The following UMAD1 variants were observed in gnomAD, a reference collection of about 807,000 sequenced individuals.
UMAD1 encodes the protein UBAP1-MVB12-associated (UMA)-domain containing protein 1.
A neutral mutation model predicts 6.1 loss-of-function variants in UMAD1; 8 were observed. That is an observed-to-expected ratio of 1.30 (90% CI 0.76 to 2.35). The LOEUF (loss-of-function observed/expected upper bound fraction) is 2.35, where lower values mean the gene tolerates loss of function less well. Ranked by LOEUF, UMAD1 falls within the 30% of genes most tolerant of loss-of-function variation. The probability of loss-of-function intolerance (pLI) is 0.00; values close to 1 mark genes in which losing one functional copy is unlikely to be tolerated. For missense variants in UMAD1, 130 were observed against 78.4 expected, an observed-to-expected ratio of 1.66 and a Z score of -2.49; for synonymous variants, 56 against 31.4, an observed-to-expected ratio of 1.78 and a Z score of -2.61.
chr7:7,646,475 G>A (rs566197034), intron 1 of UMAD1, among the ~76,000 whole-genome samples: 15 of 125,608 alleles, frequency 1.2e-4, no homozygotes, highest in South Asian at 1.1e-3. Flanking sequence ...AACCCCTTTC[G>A]CTGGATTTTT....
At chr7:7,706,460 C>T (rs1218976670) in intron 2 of UMAD1, among the ~76,000 whole-genome samples, 1 of 152,108 alleles carries the variant, frequency 6.6e-6, no homozygotes, top group African/African-American at 2.4e-5. Flanking sequence ...AAAATGAAAC[C>T]TATATAACAA....
At chr7:7,807,837 C>T (rs1344046799) in intron 3 of UMAD1, among the ~76,000 whole-genome samples, 1 of 151,990 alleles carries the variant, frequency 6.6e-6, no homozygotes, top group Admixed American at 6.6e-5. Context: ...TCTTCTTCAC[C>T]TCCCTGTTTA....
At chr7:7,692,916 C>T (rs778565439) in intron 2 of UMAD1, among the ~76,000 whole-genome samples, 1 of 152,048 alleles carries the variant, frequency 6.6e-6, no homozygotes, top group Non-Finnish European at 1.5e-5. Context: ...CAAAATGTGG[C>T]TTTTAAAATG....
chr7:7,860,322 T>G (rs986448832), intron 3 of UMAD1, among the ~76,000 whole-genome samples: 1 of 152,258 alleles, frequency 6.6e-6, no homozygotes, highest in African/African-American at 2.4e-5. Context: ...TAATTCAAAA[T>G]AAGCAGGAAC....
intron 2 of UMAD1, among the ~76,000 whole-genome samples, chr7:7,783,799 C>T (rs973890154): frequency 2.6e-5 from 4 of 152,102 alleles, no homozygotes; most frequent in Non-Finnish European, 4.4e-5. Context: ...CTGTTATACG[C>T]GGTAATGCAG....
intron 3 of UMAD1, among the ~76,000 whole-genome samples, chr7:7,854,563 G>A (rs573150010): frequency 2.7e-4 from 41 of 151,940 alleles, no homozygotes; most frequent in African/African-American, 9.4e-4. Flanking sequence ...TAACAACATG[G>A]GGGAAACCAC....
chr7:7,754,121 G>C (rs1024795097), intron 2 of UMAD1, among the ~76,000 whole-genome samples: 3 of 152,040 alleles, frequency 2.0e-5, no homozygotes, highest in African/African-American at 7.2e-5. Flanking sequence ...GGAGGCGGAG[G>C]TTGCAGTGAG....
At chr7:7,788,553 T>A (rs1258526123) in intron 2 of UMAD1, among the ~76,000 whole-genome samples, 1 of 152,200 alleles carries the variant, frequency 6.6e-6, no homozygotes, top group Non-Finnish European at 1.5e-5. Context: ...GGTCAGAGTT[T>A]TCAAGCTGTT....
intron 3 of UMAD1, among the ~76,000 whole-genome samples, chr7:7,806,342 C>G (rs570926291): frequency 6.6e-6 from 1 of 152,042 alleles, no homozygotes; most frequent in Non-Finnish European, 1.5e-5. Context: ...TTTGTGAACC[C>G]TTTTCTCTGC....
At chr7:7,772,911 T>C (rs1425231485) in intron 2 of UMAD1, among the ~76,000 whole-genome samples, 1 of 151,242 alleles carries the variant, frequency 6.6e-6, no homozygotes, top group Non-Finnish European at 1.5e-5. Flanking sequence ...TATTTTTTTT[T>C]AAAGAGGGGT....
chr7:7,745,827 G>T (rs546071124), intron 2 of UMAD1, among the ~76,000 whole-genome samples: 1 of 152,258 alleles, frequency 6.6e-6, no homozygotes, highest in Admixed American at 6.5e-5. Flanking sequence ...TCTTTGCTCA[G>T]TCTCTCTGGG....
At chr7:7,806,120 C>A (rs1352348758) in intron 3 of UMAD1, among the ~76,000 whole-genome samples, 2 of 152,166 alleles carry the variant, frequency 1.3e-5, no homozygotes, top group Non-Finnish European at 2.9e-5. Flanking sequence ...CCTAATGTTT[C>A]TGCCTATCAA....
intron 3 of UMAD1, among the ~76,000 whole-genome samples, chr7:7,855,182 G>T (rs1783992944): frequency 1.3e-5 from 2 of 152,236 alleles, no homozygotes; most frequent in African/African-American, 4.8e-5. Flanking sequence ...CATGGTGCAA[G>T]CTGTCAGTGA....
At chr7:7,757,433 A>G (rs1009470704) in intron 2 of UMAD1, among the ~76,000 whole-genome samples, 5 of 152,196 alleles carry the variant, frequency 3.3e-5, no homozygotes, top group Non-Finnish European at 7.3e-5. Flanking sequence ...AACGTAGTAC[A>G]GGTGTTTTTT....
At chr7:7,796,202 A>G (rs1284814983) in intron 2 of UMAD1, among the ~76,000 whole-genome samples, 2 of 150,544 alleles carry the variant, frequency 1.3e-5, no homozygotes, top group East Asian at 1.9e-4. Context: ...GATATACTTA[A>G]GCATTCTTCT....
At chr7:7,729,559 A>G (rs1781207347) in intron 2 of UMAD1, among the ~76,000 whole-genome samples, 1 of 152,036 alleles carries the variant, frequency 6.6e-6, no homozygotes, top group South Asian at 2.1e-4. Context: ...CCATCTTCTG[A>G]GCTTGCATTT....
intron 2 of UMAD1, among the ~76,000 whole-genome samples, chr7:7,699,016 A>C (rs1338694584): frequency 1.4e-5 from 2 of 146,524 alleles, no homozygotes; most frequent in Non-Finnish European, 3.0e-5. Context: ...CATCATGCCC[A>C]GTTAATTTTT....
chr7:7,870,074 A>C (rs1247195765), intron 3 of UMAD1, among the ~76,000 whole-genome samples: 1 of 152,190 alleles, frequency 6.6e-6, no homozygotes, highest in Non-Finnish European at 1.5e-5. Flanking sequence ...AGATAATAGA[A>C]TGTAAGGAAT....
At chr7:7,688,918 A>G (rs992694442) in intron 2 of UMAD1, among the ~76,000 whole-genome samples, 3 of 152,204 alleles carry the variant, frequency 2.0e-5, no homozygotes, top group Non-Finnish European at 2.9e-5. Flanking sequence ...TCCAATGAAA[A>G]TAAGTCTTTG....
Sources: gnomAD v4.1 joint callset for allele counts (sites outside exome capture counted in the v4.1 genomes callset) on GRCh38, gnomAD v4.1.1 for gene constraint, MANE v1.5 for transcripts, NCBI Gene and HGNC (gene_info 2026-07-23, HGNC 2026-07-21) for gene names.